EEF1G: variants seen among roughly 807,000 people sequenced by gnomAD.
EEF1G encodes the protein elongation factor 1-gamma.
EEF1G carries 14 observed loss-of-function variants against 58.3 expected under a neutral mutation model. That is an observed-to-expected ratio of 0.24 (90% CI 0.16 to 0.38). The LOEUF is 0.38. Ranked by LOEUF, EEF1G falls within the 10% of genes least tolerant of loss-of-function variation. EEF1G has a pLI of 1.00. For missense variants in EEF1G, 322 were observed against 550.1 expected (o/e 0.59, Z 4.15); for synonymous variants, 180 against 206.8 (o/e 0.87, Z 1.11).
At chr11:62,567,840 C>T (rs1941575009) in intron 5 of EEF1G, among the ~76,000 whole-genome samples, 1 of 151,698 alleles carries the variant, frequency 6.6e-6, no homozygotes, top group Non-Finnish European at 1.5e-5. Context: ...ATGCCTTAGC[C>T]TTCTGAGTAG....
In EEF1G at chr11:62,572,016, C is replaced by T. The variant is rs148455292; in HGVS notation, c.172-115G>A. On this transcript the variant is annotated intron_variant, in intron 2 of 9. Transcript: ENST00000329251. ...TATAAGGCTGATGATTCTCACTATC[C>T]AAACTCTTGATACTCAAGAACCATA... 425 of 893,396 alleles carry T rather than the reference C, an allele frequency of 4.8e-4. 1 individual carries two copies. Among genetic ancestry groups the T allele is most frequent in the Non-Finnish European group, 6.4e-4 (362 of 561,720 alleles). The allele number at this position is 893,396 out of a possible 1,614,324, so 55.3% of individuals were successfully genotyped here. A position where few individuals can be genotyped will look rare whatever the true frequency, so the allele number is the denominator to read the frequency against.
intron 8 of EEF1G, 27 bp from the exon 9 acceptor site, chr11:62,560,220 C>T (rs534003504): frequency 6.2e-7 from 1 of 1,614,002 alleles, no homozygotes; most frequent in Admixed American, 1.7e-5. Flanking sequence ...GAACATTCAG[C>T]CTTTGGAATC....
chr11:62,568,086 G>T (rs898296583), intron 5 of EEF1G, among the ~76,000 whole-genome samples: 1 of 151,616 alleles, frequency 6.6e-6, no homozygotes, highest in South Asian at 2.1e-4. Flanking sequence ...AAATTAGCTG[G>T]GCGTGATGGC....
intron 7 of EEF1G, among the ~76,000 whole-genome samples, chr11:62,561,867 A>G (rs1007625925): frequency 6.6e-6 from 1 of 152,070 alleles, no homozygotes; most frequent in Non-Finnish European, 1.5e-5. Flanking sequence ...ACAAACTCCA[A>G]TTGACCCTTT....
At chr11:62,568,898 G>A (rs546947871) in intron 5 of EEF1G, among the ~76,000 whole-genome samples, 9 of 151,990 alleles carry the variant, frequency 5.9e-5, no homozygotes, top group South Asian at 2.1e-4. Context: ...ACTTGAACCC[G>A]GGAGGCAGAA....
chr11:62,559,941 A>T (rs1941476588), intron 9 of EEF1G, 104 bp from the exon 10 acceptor site: 1 of 1,607,220 alleles, frequency 6.2e-7, no homozygotes, highest in Admixed American at 1.7e-5. Flanking sequence ...TCTCCTGTGA[A>T]CATGAACTGC....
At chr11:62,562,245 G>C (rs903094789) in intron 7 of EEF1G, among the ~76,000 whole-genome samples, 8 of 152,104 alleles carry the variant, frequency 5.3e-5, no homozygotes, top group Non-Finnish European at 1.2e-4. Flanking sequence ...CCTAAACCAA[G>C]GTATAAAAGT....
chr11:62,573,631 C>G (rs1039263769), intron 1 of EEF1G, 200 bp downstream of exon 1: 7 of 732,746 alleles, frequency 9.6e-6, no homozygotes, highest in Non-Finnish European at 1.4e-5. Flanking sequence ...TCCCCAGACC[C>G]TTCCACCTCT....
In EEF1G at chr11:62,568,387, C is replaced by CAA. The variant is rs56838630; in HGVS notation, c.523-861_523-860dup. 6.2e-4 allele frequency among the ~76,000 whole-genome samples: 37 copies of CAA among 60,156 alleles called. No homozygotes were observed. In the East Asian group the frequency reaches 0.017, roughly 28 times the overall value. The allele number at this position is 60,156 out of a possible 152,430, so 39.5% of individuals were successfully genotyped here. ...TGGGTGACAGAGTGAGACTCTGTCT[C>CAA]AAAAAAAAAAAAAAAAAAAAAAAAT... is the stretch of plus-strand genomic sequence containing the variant. On this transcript the variant is annotated intron_variant, in intron 5 of 9. Transcript: ENST00000329251.
chr11:62,563,526 C>T (rs1483347491), intron 7 of EEF1G, among the ~76,000 whole-genome samples: 1 of 152,188 alleles, frequency 6.6e-6, no homozygotes, highest in Non-Finnish European at 1.5e-5. Context: ...GGACACCGGA[C>T]TAAGCAACAT....
intron 7 of EEF1G, among the ~76,000 whole-genome samples, chr11:62,562,849 T>C (rs1328063350): frequency 1.3e-5 from 2 of 152,214 alleles, no homozygotes; most frequent in Non-Finnish European, 2.9e-5. Flanking sequence ...ATATGCAGTT[T>C]TGTGCTTATA....
chr11:62,560,723 C>A (rs531846491), intron 7 of EEF1G, among the ~76,000 whole-genome samples: 1 of 152,232 alleles, frequency 6.6e-6, no homozygotes, highest in South Asian at 2.1e-4. Flanking sequence ...CTAACTGCTG[C>A]CCCCAGGTGG....
At chr11:62,573,355 T>G in intron 1 of EEF1G, 1 of 177,978 alleles carries the variant, frequency 5.6e-6, no homozygotes, top group Non-Finnish European at 1.2e-5. Context: ...GCTTCTCTAT[T>G]ATGCCGGCCA....
chr11:62,567,085 A>C, intron 6 of EEF1G, 75 bp from the exon 7 acceptor site: 1 of 1,503,670 alleles, frequency 6.7e-7, no homozygotes, highest in South Asian at 1.2e-5. Context: ...ACACAGAGCA[A>C]GCAAGGTAAC....
chr11:62,559,990 AT>A, intron 9 of EEF1G, 78 bp downstream of exon 9: 1 of 1,608,270 alleles, frequency 6.2e-7, no homozygotes, highest in Admixed American at 1.7e-5. Flanking sequence ...CTAAACATCC[AT>A]CAACTCAGAA....
In EEF1G at chr11:62,573,812, C is replaced by A; in HGVS notation, c.12+19G>T. ...GCGGTGGATAGGATGACCCGAACCA[C>A]CAGAGCCAGCAAACTTACCCCAGCC... On this transcript the variant is annotated intron_variant, in intron 1 of 9. Transcript: ENST00000329251. The A allele has an allele frequency of 6.2e-7, 1 of 1,613,614 alleles. No homozygotes were observed. The highest frequency in any genetic ancestry group is 8.5e-7 in the Non-Finnish European group (1 of 1,179,786).
In EEF1G at chr11:62,566,858, C is replaced by T; in HGVS notation, c.805G>A (p.Ala269Thr). Residue 269 changes from alanine to threonine, a missense_variant, in exon 7 of 10, where the codon GCG becomes ACG. Coordinates refer to ENST00000329251, the MANE Select transcript of EEF1G (RefSeq NM_001404.5). ...PEEEMDECEQ[A>T]LAAEPKAKDP... ...TTGGCCTTGGGCTCAGCAGCCAGCG[C>T]CTGCTCACATTCATCCATCTCCTCC... is the stretch of plus-strand genomic sequence containing the variant. 1 of 1,613,356 alleles carries T rather than the reference C, an allele frequency of 6.2e-7. No individual in the cohort carries two copies.
intron 5 of EEF1G, among the ~76,000 whole-genome samples, chr11:62,569,467 C>CT (rs1269328800): frequency 6.6e-6 from 1 of 152,160 alleles, no homozygotes; most frequent in Non-Finnish European, 1.5e-5. Context: ...GAGCAAGACT[C>CT]TGTCAAAATA....
In EEF1G at chr11:62,560,272, A is replaced by T. The variant is rs535633499; in HGVS notation, c.1030+10T>A. The T allele has an allele frequency of 1.1e-5, 17 of 1,613,290 alleles. No individual in the cohort carries two copies. In the African/African-American group the frequency reaches 1.6e-4, roughly 15 times the overall value. ...CTTGTTCTCCTTCCTTCTCAGACCCACTCTCTTACCAGTGATGAGATTGCA... is the reference window on the plus strand; with the variant it reads ...CTTGTTCTCCTTCCTTCTCAGACCCTCTCTCTTACCAGTGATGAGATTGCA... On this transcript the variant is annotated intron_variant, in intron 8 of 9. Coordinates refer to ENST00000329251, the MANE Select transcript of EEF1G (RefSeq NM_001404.5).
Sources: gnomAD v4.1 joint callset for allele counts (sites outside exome capture counted in the v4.1 genomes callset) on GRCh38, gnomAD v4.1.1 for gene constraint, MANE v1.5 for transcripts, NCBI Gene and HGNC (gene_info 2026-07-23, HGNC 2026-07-21) for gene names.